Variants in ESRRG observed in about 807,000 individuals in gnomAD.
ESRRG encodes estrogen related receptor gamma, also known as estrogen-related receptor gamma.
ESRRG carries 13 observed loss-of-function variants against 44.0 expected under a neutral mutation model. That is an observed-to-expected ratio of 0.30 (90% CI 0.19 to 0.47). The LOEUF (loss-of-function observed/expected upper bound fraction) is 0.47, where lower values mean the gene tolerates loss of function less well. ESRRG is among the 20% of genes least tolerant of loss of function. The pLI is 1.00. For synonymous variants in ESRRG, 215 were observed against 214.6 expected, an observed-to-expected ratio of 1.00 and a Z score of -0.02; for missense variants, 395 against 580.6, an observed-to-expected ratio of 0.68 and a Z score of 3.29.
intron 1 of ESRRG, 69 bp from the exon 2 acceptor site, chr1:216,677,560 T>A: frequency 7.5e-7 from 1 of 1,328,782 alleles, no homozygotes; most frequent in Non-Finnish European, 1.0e-6. Context: ...CCAAAAGAGG[T>A]AGAAACAAAA....
intron 2 of ESRRG, among the ~76,000 whole-genome samples, chr1:216,918,334 C>A (rs754513100): frequency 2.0e-5 from 3 of 151,984 alleles, no homozygotes; most frequent in Non-Finnish European, 4.4e-5. Context: ...GCAATATGTG[C>A]CCTGCTCTCT....
At chr1:216,698,154 A>C (rs2080574226) in intron 1 of ESRRG, among the ~76,000 whole-genome samples, 1 of 152,166 alleles carries the variant, frequency 6.6e-6, no homozygotes, top group African/African-American at 2.4e-5. Flanking sequence ...GGAAAGGAAA[A>C]ATTAGTGCAA....
At chr1:216,757,183 G>A (rs1342896464) in intron 2 of ESRRG, among the ~76,000 whole-genome samples, 2 of 151,948 alleles carry the variant, frequency 1.3e-5, no homozygotes, top group African/African-American at 4.8e-5. Flanking sequence ...GCTCTGGTGG[G>A]GAGAGGAATG....
intron 1 of ESRRG, among the ~76,000 whole-genome samples, chr1:216,693,730 T>C (rs1308416608): frequency 2.0e-5 from 3 of 152,222 alleles, no homozygotes; most frequent in Non-Finnish European, 4.4e-5. Flanking sequence ...TTTTCTAATA[T>C]TTTTTATCTG....
At chr1:216,572,972 G>A (rs535922817) in intron 3 of ESRRG, among the ~76,000 whole-genome samples, 3 of 151,740 alleles carry the variant, frequency 2.0e-5, no homozygotes, top group Admixed American at 6.6e-5. Context: ...AATGAAGAGA[G>A]GTCAGATAAA....
intron 1 of ESRRG, among the ~76,000 whole-genome samples, chr1:217,031,871 C>T (rs540107618): frequency 2.0e-5 from 3 of 152,298 alleles, no homozygotes; most frequent in Admixed American, 6.5e-5. Flanking sequence ...TTGGAAGTTT[C>T]CTGAAGCCCC....
At chr1:216,533,493 GT>G (rs1354776903) in intron 5 of ESRRG, among the ~76,000 whole-genome samples, 1 of 152,116 alleles carries the variant, frequency 6.6e-6, no homozygotes, top group African/African-American at 2.4e-5. Flanking sequence ...TTTATTTAAT[GT>G]GTAGAGATGA....
chr1:216,977,686 A>G (rs755926099), intron 1 of ESRRG, among the ~76,000 whole-genome samples: 2 of 152,106 alleles, frequency 1.3e-5, no homozygotes, highest in Non-Finnish European at 2.9e-5. Flanking sequence ...AACATCCTGC[A>G]TTGGTGGCTA....
At chr1:216,697,034 TG>T (rs1559281626) in intron 1 of ESRRG, among the ~76,000 whole-genome samples, 1 of 151,972 alleles carries the variant, frequency 6.6e-6, no homozygotes, top group Non-Finnish European at 1.5e-5. Context: ...GGCATGATCC[TG>T]GCTCACTGCA....
At chr1:216,867,501 AAG>A (rs2096186209) in intron 2 of ESRRG, among the ~76,000 whole-genome samples, 2 of 152,174 alleles carry the variant, frequency 1.3e-5, no homozygotes, top group African/African-American at 2.4e-5. Flanking sequence ...TTAACTACTT[AAG>A]ATAACATATC....
At chr1:217,013,096 C>G (rs1357169895) in intron 1 of ESRRG, among the ~76,000 whole-genome samples, 2 of 152,200 alleles carry the variant, frequency 1.3e-5, no homozygotes, top group Non-Finnish European at 2.9e-5. Context: ...TTGGAGCTCA[C>G]CCTAATTGCA....
chr1:216,567,002 C>G (rs12752989), intron 4 of ESRRG, among the ~76,000 whole-genome samples: 8 of 152,144 alleles, frequency 5.3e-5, no homozygotes, highest in Non-Finnish European at 1.0e-4. Flanking sequence ...GCAGTGACCC[C>G]TCCTGGAGAA....
intron 1 of ESRRG, among the ~76,000 whole-genome samples, chr1:216,709,343 G>GTGTATATATATATA (rs377260365): frequency 2.8e-5 from 4 of 145,370 alleles, no homozygotes; most frequent in African/African-American, 1.0e-4. Context: ...GTGTGTGTGT[G>GTGTATATATATATA]TATATATATA....
At chr1:217,134,278 T>G (rs2093016005) in intron 1 of ESRRG, among the ~76,000 whole-genome samples, 1 of 152,088 alleles carries the variant, frequency 6.6e-6, no homozygotes, top group Admixed American at 6.5e-5. Flanking sequence ...CGCTGGATCT[T>G]CTCTCCCTGC....
chr1:216,751,746 A>G (rs1000163721), intron 2 of ESRRG, among the ~76,000 whole-genome samples: 12 of 152,162 alleles, frequency 7.9e-5, no homozygotes, highest in African/African-American at 2.4e-4. Flanking sequence ...CAAGGTTTAC[A>G]AAATAAAAAT....
chr1:216,592,074 T>A (rs1283603426), intron 3 of ESRRG, among the ~76,000 whole-genome samples: 1 of 152,214 alleles, frequency 6.6e-6, no homozygotes, highest in Non-Finnish European at 1.5e-5. Flanking sequence ...TCTGTGATAT[T>A]CCTGCCAAAG....
At chr1:216,601,110 G>A (rs1441833053) in intron 3 of ESRRG, among the ~76,000 whole-genome samples, 1 of 152,168 alleles carries the variant, frequency 6.6e-6, no homozygotes, top group African/African-American at 2.4e-5. Context: ...TGGGGAGCAA[G>A]GCCGGCTTGG....
At chr1:216,732,916 G>T (rs1329517442) in intron 2 of ESRRG, among the ~76,000 whole-genome samples, 1 of 151,504 alleles carries the variant, frequency 6.6e-6, no homozygotes, top group Non-Finnish European at 1.5e-5. Context: ...TTTTACTCTG[G>T]TTAGGCATAG....
At chr1:216,917,296 G>A (rs990250813) in intron 2 of ESRRG, among the ~76,000 whole-genome samples, 1 of 151,726 alleles carries the variant, frequency 6.6e-6, no homozygotes, top group African/African-American at 2.4e-5. Flanking sequence ...TGAATCCCAG[G>A]GCCAGCCTTG....
Sources: allele counts gnomAD v4.1 joint callset (sites outside exome capture counted in the v4.1 genomes callset), GRCh38; gene constraint gnomAD v4.1.1; transcripts MANE v1.5; gene names NCBI Gene and HGNC (gene_info 2026-07-23, HGNC 2026-07-21).